Variants in GABRB1 observed in about 807,000 individuals in gnomAD.
The protein encoded by GABRB1 is gamma-aminobutyric acid type A receptor subunit beta1, also known as gamma-aminobutyric acid receptor subunit beta-1.
A neutral mutation model predicts 51.6 loss-of-function variants in GABRB1; 17 were observed. The observed-to-expected ratio is 0.33, with a 90% confidence interval of 0.23 to 0.49. GABRB1 has a LOEUF of 0.49. GABRB1 is among the 20% of genes least tolerant of loss of function. GABRB1 has a pLI of 0.99. For missense variants in GABRB1, 410 were observed against 600.6 expected (o/e 0.68, Z 3.32); for synonymous variants, 247 against 218.9 (o/e 1.13, Z -1.14).
chr4:47,277,569 A>T lies in GABRB1; in HGVS notation c.462-42558A>T, dbSNP rs1723132240. 9.9e-5 allele frequency among the ~76,000 whole-genome samples: 15 copies of T among 152,234 alleles called. No individual in the cohort carries two copies. The South Asian group carries it at 3.1e-3, about 32-fold the overall frequency. On this transcript the variant is annotated intron_variant, in intron 4 of 8. Transcript: ENST00000295454. ...GGGGTTGAATACCCCAGTCTCCATG[A>T]TGTGTTTATTTCACATTGCATGCCT...
chr4:47,407,648 G>C (rs1728621178), intron 8 of GABRB1, among the ~76,000 whole-genome samples: 1 of 152,168 alleles, frequency 6.6e-6, no homozygotes, highest in South Asian at 2.1e-4. Context: ...AGATAGCACA[G>C]AGGGTGACAA....
chr4:47,032,590 C>T, intron 3 of GABRB1, 106 bp downstream of exon 3: 1 of 1,103,230 alleles, frequency 9.1e-7, no homozygotes, highest in East Asian at 2.4e-5. Flanking sequence ...CCCCTGGCCC[C>T]TGAGGTCCCA....
chr4:47,316,864 G>A (rs956536336), intron 4 of GABRB1, among the ~76,000 whole-genome samples: 1 of 151,914 alleles, frequency 6.6e-6, no homozygotes, highest in African/African-American at 2.4e-5. Flanking sequence ...TAAATAAAAT[G>A]CAATAAAAAA....
At chr4:47,306,658 A>G (rs1640336502) in intron 4 of GABRB1, among the ~76,000 whole-genome samples, 1 of 152,150 alleles carries the variant, frequency 6.6e-6, no homozygotes, top group African/African-American at 2.4e-5. Flanking sequence ...TGCTACACAT[A>G]TGTGATTCCC....
intron 4 of GABRB1, among the ~76,000 whole-genome samples, chr4:47,241,226 C>A (rs887777543): frequency 1.3e-5 from 2 of 152,152 alleles, no homozygotes; most frequent in East Asian, 1.9e-4. Flanking sequence ...AGCTTTCATG[C>A]TGAAAATTAC....
intron 5 of GABRB1, among the ~76,000 whole-genome samples, chr4:47,367,363 T>C (rs759316035): frequency 9.9e-5 from 15 of 152,196 alleles, no homozygotes; most frequent in South Asian, 8.3e-4. Context: ...CACATCTCCA[T>C]TGGCAGAAAA....
chr4:47,077,259 G>A (rs866973153), intron 3 of GABRB1, among the ~76,000 whole-genome samples: 3 of 152,140 alleles, frequency 2.0e-5, no homozygotes, highest in African/African-American at 7.2e-5. Context: ...GAAAAGGTGA[G>A]TATTTACACA....
chr4:47,026,883 A>G (rs1159207609), upstream of GABRB1, among the ~76,000 whole-genome samples: 1 of 152,060 alleles, frequency 6.6e-6, no homozygotes, highest in Non-Finnish European at 1.5e-5. Context: ...CTAGAAAAGA[A>G]TGTAAACTGT....
intron 3 of GABRB1, among the ~76,000 whole-genome samples, chr4:47,112,731 C>A (rs773059384): frequency 6.6e-6 from 1 of 150,958 alleles, no homozygotes; most frequent in East Asian, 1.9e-4. Context: ...TTGTGTCAAG[C>A]ACTGTATTAA....
chr4:47,309,008 G>C, intron 4 of GABRB1, among the ~76,000 whole-genome samples: 1 of 152,168 alleles, frequency 6.6e-6, no homozygotes, highest in Non-Finnish European at 1.5e-5. Flanking sequence ...TAATTTGAGA[G>C]GGCAACCTCA....
chr4:47,092,666 G>A (rs957703162), intron 3 of GABRB1, among the ~76,000 whole-genome samples: 6 of 150,752 alleles, frequency 4.0e-5, no homozygotes, highest in Non-Finnish European at 5.9e-5. Context: ...GTGCAGTGGC[G>A]CTCTCTTGGC....
chr4:47,307,033 A>T (rs1724496972), intron 4 of GABRB1, among the ~76,000 whole-genome samples: 1 of 152,140 alleles, frequency 6.6e-6, no homozygotes, highest in Non-Finnish European at 1.5e-5. Flanking sequence ...CAAAATGTTT[A>T]CCATGGTGGA....
intron 3 of GABRB1, among the ~76,000 whole-genome samples, chr4:47,060,709 C>T (rs753083222): frequency 6.6e-6 from 1 of 151,994 alleles, no homozygotes. Flanking sequence ...TGAGTGTTGG[C>T]AGGCTAATAT....
At chr4:47,061,537 T>C (rs1305641382) in intron 3 of GABRB1, among the ~76,000 whole-genome samples, 1 of 152,204 alleles carries the variant, frequency 6.6e-6, no homozygotes, top group Non-Finnish European at 1.5e-5. Context: ...ACTAGGAAAA[T>C]AACTTTGCTT....
intron 8 of GABRB1, among the ~76,000 whole-genome samples, chr4:47,420,783 T>C (rs1319941992): frequency 6.6e-6 from 1 of 152,124 alleles, no homozygotes; most frequent in Non-Finnish European, 1.5e-5. Context: ...GCCACTCTTC[T>C]CCAAGGGGAA....
At chr4:47,146,498 T>C (rs1717176610) in intron 3 of GABRB1, among the ~76,000 whole-genome samples, 1 of 152,096 alleles carries the variant, frequency 6.6e-6, no homozygotes, top group African/African-American at 2.4e-5. Context: ...AATGAAAGCA[T>C]AGACATTGCT....
chr4:47,194,802 A>C (rs1321140109), intron 4 of GABRB1, among the ~76,000 whole-genome samples: 1 of 152,322 alleles, frequency 6.6e-6, no homozygotes, highest in African/African-American at 2.4e-5. Context: ...AAAAAAACAT[A>C]GTGTACTTAG....
At chr4:47,179,303 T>C (rs1293988734) in intron 4 of GABRB1, among the ~76,000 whole-genome samples, 2 of 152,140 alleles carry the variant, frequency 1.3e-5, no homozygotes, top group African/African-American at 4.8e-5. Context: ...ACTATCCTTT[T>C]TATATCACAT....
At chr4:47,086,400 C>A (rs1476545882) in intron 3 of GABRB1, among the ~76,000 whole-genome samples, 1 of 152,006 alleles carries the variant, frequency 6.6e-6, no homozygotes, top group African/African-American at 2.4e-5. Context: ...AATCAACCCC[C>A]CTTTAAAAAA....
Sources: gnomAD v4.1 joint callset for allele counts (sites outside exome capture counted in the v4.1 genomes callset) on GRCh38, gnomAD v4.1.1 for gene constraint, MANE v1.5 for transcripts, NCBI Gene and HGNC (gene_info 2026-07-23, HGNC 2026-07-21) for gene names.